Variants in IL12B observed in about 807,000 individuals in gnomAD.
IL12B encodes the protein interleukin 12B.
In IL12B, 27 loss-of-function variants were observed where a neutral mutation model predicts 39.2. The ratio of observed to expected loss-of-function variants is 0.69; its 90% CI spans 0.51 to 0.95. The LOEUF is 0.95. Among genes scored for constraint, IL12B ranks in the 40% least tolerant of loss-of-function variants. The pLI is 0.00. For synonymous variants in IL12B, 142 were observed against 152.1 expected, an observed-to-expected ratio of 0.93 and a Z score of 0.49; for missense variants, 351 against 397.6, an observed-to-expected ratio of 0.88 and a Z score of 1.00.
chr5:159,318,837 C>T lies in IL12B; in HGVS notation c.754G>A (p.Val252Met), dbSNP rs1210064748. The T allele has an allele frequency of 4.3e-6, 7 of 1,613,950 alleles. No individual in the cohort carries two copies. In the Admixed American group the frequency reaches 5.0e-5, roughly 12 times the overall value. ...QLKPLKNSRQ[V>M]EVSWEYPDTW... ...TCAGGGTACTCCCAGCTGACCTCCACCTGCCGAGAATTCTTTAATGGCTTC... is the reference window on the plus strand; with the variant it reads ...TCAGGGTACTCCCAGCTGACCTCCATCTGCCGAGAATTCTTTAATGGCTTC... The change falls in exon 6 of 8, where the codon GTG becomes ATG. Residue 252 changes from valine to methionine, a missense_variant. Val to Met is a conservative substitution (Grantham distance 21). Transcript: ENST00000231228.
chr5:159,321,809 G>A (rs1194144651), intron 4 of IL12B, among the ~76,000 whole-genome samples: 2 of 151,952 alleles, frequency 1.3e-5, no homozygotes, highest in Admixed American at 1.3e-4. Context: ...GATGATTAAA[G>A]TAAGCCACAT....
intron 1 of IL12B, among the ~76,000 whole-genome samples, chr5:159,327,124 A>T (rs1056140775): frequency 1.3e-5 from 2 of 152,194 alleles, no homozygotes; most frequent in Admixed American, 1.3e-4. Flanking sequence ...AGCTTAGAGA[A>T]GGAATGTGAC....
intron 1 of IL12B, among the ~76,000 whole-genome samples, chr5:159,327,992 C>T (rs1417944995): frequency 6.6e-6 from 1 of 152,168 alleles, no homozygotes. Context: ...GAAAGTGGTT[C>T]TGAAACCACT....
chr5:159,318,776 G>A lies in IL12B; in HGVS notation c.815C>T (p.Thr272Ile), dbSNP rs1175666229. 6.2e-7 allele frequency: 1 copy of A among 1,614,168 alleles called. No individual in the cohort carries two copies. Among genetic ancestry groups the A allele is most frequent in the Admixed American group, 1.7e-5 (1 of 60,016 alleles). ...CTTGCCCTGGACCTGAACGCAGAAT[G>A]TCAGGGAGAAGTAGGAATGTGGAGT... ...WSTPHSYFSL[T>I]FCVQVQGKSK... The change falls in exon 6 of 8, where the codon ACA becomes ATA. Residue 272 changes from threonine (T) to isoleucine (I), a missense_variant. Coordinates refer to ENST00000231228, the MANE Select transcript of IL12B (RefSeq NM_002187.3).
chr5:159,315,180 C>G lies in IL12B; in HGVS notation c.*921G>C, dbSNP rs1377603363. ...GTGAGGACTGCCATGGAAGCTAAAGCTGAATTTTAATTTCAATCATTTTTT... is the reference window on the plus strand; with the variant it reads ...GTGAGGACTGCCATGGAAGCTAAAGGTGAATTTTAATTTCAATCATTTTTT... On this transcript the variant is annotated 3_prime_UTR_variant, in exon 8 of 8. Transcript: ENST00000231228. The G allele has an allele frequency of 6.6e-6, 1 of 151,344 alleles. No homozygotes were observed. Among genetic ancestry groups the G allele is most frequent in the Non-Finnish European group, 1.5e-5 (1 of 67,982 alleles). The allele number at this position is 151,344 out of a possible 1,614,324, so 9.4% of individuals were successfully genotyped here.
intron 5 of IL12B, 140 bp from the exon 6 acceptor site, chr5:159,319,033 C>A: frequency 1.3e-6 from 1 of 771,194 alleles, no homozygotes; most frequent in South Asian, 1.5e-5. Context: ...ACCTGGCTGG[C>A]AAATGTGAGG....
intron 2 of IL12B, 106 bp downstream of exon 2, chr5:159,326,589 A>T: frequency 1.3e-6 from 1 of 768,814 alleles, no homozygotes; most frequent in Admixed American, 1.9e-5. Flanking sequence ...TCTCTAGAGG[A>T]CCCAGTGCAT....
chr5:159,319,618 T>G (rs909444022), intron 5 of IL12B, among the ~76,000 whole-genome samples: 3 of 152,240 alleles, frequency 2.0e-5, no homozygotes, highest in Non-Finnish European at 4.4e-5. Flanking sequence ...GCACATATGC[T>G]TCCCTCTGCT....
chr5:159,316,349 C>T (rs918097139), intron 7 of IL12B, among the ~76,000 whole-genome samples: 26 of 152,108 alleles, frequency 1.7e-4, no homozygotes, highest in African/African-American at 5.6e-4. Flanking sequence ...TTTCAGGGCC[C>T]GGGGCCCCCA....
chr5:159,324,186 G>A (rs193233783), intron 2 of IL12B, among the ~76,000 whole-genome samples: 53 of 152,110 alleles, frequency 3.5e-4, no homozygotes, highest in Non-Finnish European at 6.6e-4. Flanking sequence ...ATGAAGAAGC[G>A]TACTGAGGCC....
intron 7 of IL12B, among the ~76,000 whole-genome samples, chr5:159,316,388 C>T (rs777628877): frequency 9.2e-5 from 14 of 152,224 alleles, no homozygotes; most frequent in Non-Finnish European, 2.1e-4. Flanking sequence ...TGCAAGCTTG[C>T]AAGTCCTCCA....
chr5:159,323,540 T>C (rs1037479415), intron 2 of IL12B, among the ~76,000 whole-genome samples: 6 of 152,186 alleles, frequency 3.9e-5, no homozygotes, highest in African/African-American at 1.4e-4. Context: ...ATAGCTGCCA[T>C]CGACTCATTG....
chr5:159,322,961 A>G, intron 3 of IL12B, 93 bp downstream of exon 3: 1 of 1,223,948 alleles, frequency 8.2e-7, no homozygotes. Context: ...CATTACACTC[A>G]CCATGACTTG....
rs1382273910 is a variant in IL12B at position 159,323,248 on chromosome 5, C to A, written c.170G>T (p.Gly57Val). 1.9e-6 allele frequency: 3 copies of A among 1,613,868 alleles called. No homozygotes were observed. The highest frequency in any genetic ancestry group is 3.3e-5 in the Admixed American group (2 of 59,972). ...GCTCTGGTCCAAGGTCCAGGTGATA[C>A]CATCTTCTTCAGGGGTGTCACAGGT... ...VLTCDTPEED[G>V]ITWTLDQSSE... Residue 57 changes from glycine (G) to valine (V), a missense_variant, in exon 3 of 8, where the codon GGT becomes GTT. Coordinates refer to ENST00000231228, the MANE Select transcript of IL12B (RefSeq NM_002187.3).
rs1380231411 is a variant in IL12B, at chr5:159,320,495, A to AC, written c.507dup (p.Cys170ValfsTer19). On this transcript the variant is annotated frameshift_variant, in exon 5 of 8. Transcript: ENST00000231228. LOFTEE classifies it high-confidence loss of function. Reference sequence around the variant, plus strand: ...TCTGCAGAGAGTGTAGCAGCTCCGCACGTCACCCCTTGGGGGTCAGAAGAG... The same window carrying AC: ...TCTGCAGAGAGTGTAGCAGCTCCGCACCGTCACCCCTTGGGGGTCAGAAGAG... The AC allele has an allele frequency of 1.9e-6, 3 of 1,614,146 alleles. No homozygotes were observed. The highest frequency in any genetic ancestry group is 2.5e-6 in the Non-Finnish European group (3 of 1,179,984).
intron 3 of IL12B, 83 bp downstream of exon 3, chr5:159,322,971 G>T: frequency 7.6e-7 from 1 of 1,321,490 alleles, no homozygotes; most frequent in Non-Finnish European, 1.1e-6. Context: ...ACCATGACTT[G>T]GCTTTTCAAT....
intron 1 of IL12B, among the ~76,000 whole-genome samples, chr5:159,327,401 C>T (rs781584426): frequency 1.4e-4 from 21 of 152,182 alleles, no homozygotes; most frequent in African/African-American, 3.9e-4. Context: ...GGGACAGGAA[C>T]GGTAATACAG....
At chr5:159,323,674 C>T (rs970460495) in intron 2 of IL12B, among the ~76,000 whole-genome samples, 2 of 152,198 alleles carry the variant, frequency 1.3e-5, no homozygotes, top group Admixed American at 6.5e-5. Context: ...AAACTTCCAG[C>T]ACAATTTCAG....
chr5:159,316,653 A>C, intron 7 of IL12B, 32 bp downstream of exon 7: 1 of 1,601,380 alleles, frequency 6.2e-7, no homozygotes, highest in Non-Finnish European at 8.5e-7. Flanking sequence ...CTGAGAGTGC[A>C]GGCCTGGGCT....
Sources: allele counts gnomAD v4.1 joint callset (sites outside exome capture counted in the v4.1 genomes callset), GRCh38; gene constraint gnomAD v4.1.1; transcripts MANE v1.5; gene names NCBI Gene and HGNC (gene_info 2026-07-23, HGNC 2026-07-21).